The following TBCD variants were observed in gnomAD, a reference collection of about 807,000 sequenced individuals.
The protein encoded by TBCD is tubulin folding cofactor D.
Under a neutral mutation model 169.3 loss-of-function variants are expected in TBCD, and 105 were observed. That is an observed-to-expected ratio of 0.62 (90% CI 0.53 to 0.73). The LOEUF is 0.73. Among genes scored for constraint, TBCD ranks in the 30% least tolerant of loss-of-function variants. The probability of loss-of-function intolerance (pLI) is 0.00; values close to 1 mark genes in which losing one functional copy is unlikely to be tolerated. For synonymous variants in TBCD, 700 were observed against 643.9 expected, an observed-to-expected ratio of 1.09 and a Z score of -1.32; for missense variants, 1,444 against 1,600.1, an observed-to-expected ratio of 0.90 and a Z score of 1.66.
At position 82,874,149 on chromosome 17, in the gene TBCD, C is replaced by T. The variant is rs553717992; in HGVS notation, c.1475+3769C>T. Among the ~76,000 whole-genome samples the T allele has an allele frequency of 7.8e-4, 119 of 152,168 alleles. No homozygotes were observed. The highest frequency in any genetic ancestry group is 2.7e-3 in the African/African-American group (112 of 41,514). On this transcript the variant is annotated intron_variant, in intron 14 of 38. Coordinates refer to ENST00000355528, the MANE Select transcript of TBCD (RefSeq NM_005993.5). This position sits in a 1 kb window ranked among gnomAD's most constrained non-coding sequence, Gnocchi z 5.0. Reference sequence around the variant, plus strand: ...GGGGGTTGTGTGTGTGTGGGTCCCACGGTGGGAGGTGGGGTTGGGGTGAGT... The same window carrying T: ...GGGGGTTGTGTGTGTGTGGGTCCCATGGTGGGAGGTGGGGTTGGGGTGAGT...
rs1226242973 is a variant in TBCD, at chr17:82,923,782, A to G, written c.2260+49A>G. 2.7e-6 allele frequency: 4 copies of G among 1,494,076 alleles called. No individual in the cohort carries two copies. The African/African-American group carries it at 5.6e-5, about 21-fold the overall frequency. The allele number at this position is 1,494,076 out of a possible 1,614,324, so 92.6% of individuals were successfully genotyped here. A position where few individuals can be genotyped will look rare whatever the true frequency, so the allele number is the denominator to read the frequency against. On this transcript the variant is annotated intron_variant, in intron 26 of 38. Coordinates refer to ENST00000355528, the MANE Select transcript of TBCD (RefSeq NM_005993.5). The surrounding 1 kb of genome is among the most constrained non-coding windows in gnomAD (Gnocchi z 4.6). ...AAGACTCCAGGGGCTTCCAGCAGGA[A>G]GCTGCTGGGGAGTGTCTGGGCACGG... is the stretch of plus-strand genomic sequence containing the variant.
intron 16 of TBCD, among the ~76,000 whole-genome samples, chr17:82,891,078 C>T (rs1270510673): frequency 6.6e-6 from 1 of 152,196 alleles, no homozygotes; most frequent in African/African-American, 2.4e-5. Context: ...GCTGGGTGGG[C>T]CCTGGGGCGC....
rs376663810 is a variant in TBCD, at chr17:82,789,550, C to A, written c.771+7829C>A. ...GGGTCTCAGTGGCCCCTGCCCCAGTCGTCCTGACCTGTGGCCCCTGTGCAG... is the reference window on the plus strand; with the variant it reads ...GGGTCTCAGTGGCCCCTGCCCCAGTAGTCCTGACCTGTGGCCCCTGTGCAG... On this transcript the variant is annotated intron_variant, in intron 7 of 38. Transcript: ENST00000355528. The surrounding 1 kb of genome is among the most constrained non-coding windows in gnomAD (Gnocchi z 4.8). Among the ~76,000 whole-genome samples, 3 of 152,202 alleles carry A rather than the reference C, an allele frequency of 2.0e-5. No individual in the cohort carries two copies. The highest frequency in any genetic ancestry group is 4.4e-5 in the Non-Finnish European group (3 of 68,022).
At chr17:82,813,229 T>C (rs1463526189) in intron 12 of TBCD, among the ~76,000 whole-genome samples, 4 of 152,184 alleles carry the variant, frequency 2.6e-5, no homozygotes, top group Admixed American at 6.5e-5. Context: ...TTGCTCTTGA[T>C]GATCTGAGAC....
chr17:82,945,496 AG>A lies in TBCD; in HGVS notation c.*3034del, dbSNP rs548105056. The A allele has an allele frequency of 3.3e-3, 503 of 152,376 alleles. 6 individuals are homozygous for A. Among genetic ancestry groups the A allele is most frequent in the African/African-American group, 0.012 (487 of 41,590 alleles). The allele number at this position is 152,376 out of a possible 1,614,324, so 9.4% of individuals were successfully genotyped here. A position where few individuals can be genotyped will look rare whatever the true frequency, so the allele number is the denominator to read the frequency against. On this transcript the variant is annotated 3_prime_UTR_variant, in exon 39 of 39. Transcript: ENST00000355528. Reference sequence around the variant, plus strand: ...GCAGCACTGGAGTTGAGCAGTGAGTAGACCAAGGTCTTCATTATGCTGAGAG... The same window carrying A: ...GCAGCACTGGAGTTGAGCAGTGAGTAACCAAGGTCTTCATTATGCTGAGAG...
Position 82,864,881 on chromosome 17 carries a change from C to G in TBCD, c.1319-5343C>G. ...GGGGCACCGTGGGGACAGCGGGGGCCTGCTCACTCCCTGGGGCACCGTGGG... is the reference window on the plus strand; with the variant it reads ...GGGGCACCGTGGGGACAGCGGGGGCGTGCTCACTCCCTGGGGCACCGTGGG... On this transcript the variant is annotated intron_variant, in intron 13 of 38. Transcript: ENST00000355528. This position sits in a 1 kb window ranked among gnomAD's most constrained non-coding sequence, Gnocchi z 6.3. 2.3e-5 allele frequency among the ~76,000 whole-genome samples: 1 copy of G among 43,632 alleles called. No individual in the cohort carries two copies. Among genetic ancestry groups the G allele is most frequent in the Non-Finnish European group, 5.6e-5 (1 of 17,884 alleles). 28.6% of individuals were successfully genotyped at this position (43,632 alleles called of 152,430 possible). A position where few individuals can be genotyped will look rare whatever the true frequency, so the allele number is the denominator to read the frequency against.
intron 12 of TBCD, among the ~76,000 whole-genome samples, chr17:82,810,546 G>A (rs931742200): frequency 6.7e-6 from 1 of 149,670 alleles, no homozygotes; most frequent in Non-Finnish European, 1.5e-5. Context: ...TGGGTGGTAA[G>A]TTGTGGGCTG....
chr17:82,908,630 CT>C (rs2060410961), intron 21 of TBCD, among the ~76,000 whole-genome samples: 1 of 152,240 alleles, frequency 6.6e-6, no homozygotes, highest in Non-Finnish European at 1.5e-5. Context: ...ACATTTTTCA[CT>C]TTTAATGTGG....
chr17:82,826,489 C>T (rs980352752), intron 13 of TBCD, among the ~76,000 whole-genome samples: 4 of 152,014 alleles, frequency 2.6e-5, no homozygotes, highest in African/African-American at 4.8e-5. Flanking sequence ...GATCTTGGCT[C>T]ACTGCAGCCT....
chr17:82,911,519 G>A (rs77980175), intron 22 of TBCD, among the ~76,000 whole-genome samples: 6,373 of 152,324 alleles, frequency 0.042, 260 homozygotes, highest in African/African-American at 0.11. Context: ...GTCAGGACTA[G>A]AATGTCCAGT....
chr17:82,809,294 G>A (rs904668525), intron 11 of TBCD, among the ~76,000 whole-genome samples: 15 of 152,102 alleles, frequency 9.9e-5, no homozygotes, highest in Admixed American at 5.9e-4. Context: ...ATGTGGGGCC[G>A]TGAGCCCATC....
intron 17 of TBCD, among the ~76,000 whole-genome samples, chr17:82,896,891 C>T (rs561711338): frequency 6.6e-5 from 10 of 151,580 alleles, no homozygotes; most frequent in South Asian, 2.1e-4. Flanking sequence ...CTTTCAAGCT[C>T]GGGGTCCGGG....
intron 6 of TBCD, among the ~76,000 whole-genome samples, chr17:82,778,118 T>C (rs542816648): frequency 6.6e-6 from 1 of 152,344 alleles, no homozygotes; most frequent in African/African-American, 2.4e-5. Context: ...ATTATTATAA[T>C]ATTGGAATAA....
chr17:82,830,158 C>T (rs763714366), intron 13 of TBCD: 3 of 1,614,038 alleles, frequency 1.9e-6, no homozygotes, highest in South Asian at 2.2e-5. Context: ...CACCCGGGCC[C>T]TCCTTCGTAG....
In TBCD at chr17:82,752,244, G is replaced by A; in HGVS notation, c.51G>A (p.Glu17=). ...PAAGGPEEEA[E]DETLAFGAAL... ...CGGGCGGCCCCGAGGAGGAGGCGGAGGACGAGACACTGGCCTTTGGCGCGG... is the reference window on the plus strand; with the variant it reads ...CGGGCGGCCCCGAGGAGGAGGCGGAAGACGAGACACTGGCCTTTGGCGCGG... The change falls in exon 1 of 39, where the codon GAG becomes GAA. Residue 17 remains glutamate (E), a synonymous_variant. Transcript: ENST00000355528. 1 of 1,526,704 alleles carries A rather than the reference G, an allele frequency of 6.6e-7. No individual in the cohort carries two copies. Among genetic ancestry groups the A allele is most frequent in the Non-Finnish European group, 8.8e-7 (1 of 1,140,610 alleles). 94.6% of individuals were successfully genotyped at this position (1,526,704 alleles called of 1,614,324 possible).
intron 23 of TBCD, among the ~76,000 whole-genome samples, chr17:82,914,618 C>T (rs1367741934): frequency 6.6e-6 from 1 of 152,144 alleles, no homozygotes; most frequent in African/African-American, 2.4e-5. Context: ...CCCATGCTGC[C>T]CACGCCCTCC....
intron 6 of TBCD, among the ~76,000 whole-genome samples, chr17:82,777,620 A>G (rs138085529): frequency 9.5e-4 from 145 of 152,368 alleles, no homozygotes; most frequent in African/African-American, 2.7e-3. Flanking sequence ...AACAGCTTAC[A>G]TTATTATTTC....
rs140969676 is a variant in TBCD, at chr17:82,833,586, G to A, written c.1318+18652G>A. Among the ~76,000 whole-genome samples, 895 of 152,322 alleles carry A rather than the reference G, an allele frequency of 5.9e-3. 3 individuals are homozygous for A. The highest frequency in any genetic ancestry group is 7.8e-3 in the Non-Finnish European group (529 of 68,038). On this transcript the variant is annotated intron_variant, in intron 13 of 38. Transcript: ENST00000355528. This position sits in a 1 kb window ranked among gnomAD's most constrained non-coding sequence, Gnocchi z 4.7. ...CAGCATTGTGAGACATGCTTTCACG[G>A]TCACCCGGTTCCTGCTGGCCAGGAG...
At position 82,823,567 on chromosome 17, in the gene TBCD, C is replaced by T. The variant is rs184861852; in HGVS notation, c.1318+8633C>T. The stretch of plus-strand genomic sequence containing the variant: ...CTCCCTGTAGAACGTGGCATTTTGG[C>T]TGAACGTTAACACTGGTGGGGGCAG... On this transcript the variant is annotated intron_variant, in intron 13 of 38. Transcript: ENST00000355528. 3.2e-4 allele frequency among the ~76,000 whole-genome samples: 47 copies of T among 146,730 alleles called. 1 individual carries two copies. The East Asian group carries it at 9.5e-3, about 30-fold the overall frequency.
Sources: allele counts gnomAD v4.1 joint callset (sites outside exome capture counted in the v4.1 genomes callset), GRCh38; gene constraint gnomAD v4.1.1; non-coding constraint Gnocchi (gnomAD v3.1); transcripts MANE v1.5; gene names NCBI Gene and HGNC (gene_info 2026-07-23, HGNC 2026-07-21).